Variants in HCRTR2 observed in about 807,000 individuals in gnomAD.
The protein encoded by HCRTR2 is hypocretin receptor 2.
Under a neutral mutation model 49.0 loss-of-function variants are expected in HCRTR2, and 22 were observed. The ratio of observed to expected loss-of-function variants is 0.45; its 90% CI spans 0.32 to 0.64. The LOEUF is 0.64. Among genes scored for constraint, HCRTR2 ranks in the 30% least tolerant of loss-of-function variants. HCRTR2 has a pLI of 0.04. For synonymous variants in HCRTR2, 236 were observed against 205.3 expected, an observed-to-expected ratio of 1.15 and a Z score of -1.28; for missense variants, 491 against 559.4, an observed-to-expected ratio of 0.88 and a Z score of 1.23.
At chr6:55,139,903 T>C (rs1764483911) in intron 1 of HCRTR2, among the ~76,000 whole-genome samples, 1 of 152,190 alleles carries the variant, frequency 6.6e-6, no homozygotes, top group Non-Finnish European at 1.5e-5. Flanking sequence ...TCCTTGAAAT[T>C]CAAGAGGCAT....
intron 1 of HCRTR2, among the ~76,000 whole-genome samples, chr6:55,244,288 G>T (rs1015998075): frequency 6.6e-6 from 1 of 151,844 alleles, no homozygotes; most frequent in Non-Finnish European, 1.5e-5. Flanking sequence ...ATCCATTAAA[G>T]GAATTAATGG....
intron 2 of HCRTR2, among the ~76,000 whole-genome samples, chr6:55,251,183 C>T (rs1224222289): frequency 1.3e-5 from 2 of 152,134 alleles, no homozygotes; most frequent in Non-Finnish European, 2.9e-5. Flanking sequence ...CATGTTACAT[C>T]ATGCCCAGCC....
At chr6:55,277,944 C>T (rs926221177) in intron 5 of HCRTR2, among the ~76,000 whole-genome samples, 1 of 152,086 alleles carries the variant, frequency 6.6e-6, no homozygotes, top group African/African-American at 2.4e-5. Context: ...TGAGAACAAA[C>T]GGGTTTTTCA....
intron 1 of HCRTR2, among the ~76,000 whole-genome samples, chr6:55,223,303 G>C (rs886246168): frequency 6.6e-6 from 1 of 152,196 alleles, no homozygotes; most frequent in Admixed American, 6.5e-5. Context: ...AAGCCATCTG[G>C]TTACTTTAGT....
At chr6:55,113,233 A>G (rs1764074394) in intron 1 of HCRTR2, among the ~76,000 whole-genome samples, 1 of 152,068 alleles carries the variant, frequency 6.6e-6, no homozygotes, top group Non-Finnish European at 1.5e-5. Flanking sequence ...AGACTTCATG[A>G]CCAAGAACCC....
At chr6:55,203,873 G>GT (rs796263516) in intron 1 of HCRTR2, among the ~76,000 whole-genome samples, 4,241 of 147,592 alleles carry the variant, frequency 0.029, 192 homozygotes, top group African/African-American at 0.099. Flanking sequence ...AGGACTTAAG[G>GT]TTTTTTTTTT....
At chr6:55,107,191 T>A (rs1763985530) in intron 1 of HCRTR2, among the ~76,000 whole-genome samples, 1 of 152,176 alleles carries the variant, frequency 6.6e-6, no homozygotes, top group Non-Finnish European at 1.5e-5. Flanking sequence ...TTATGATTTT[T>A]AAAAATTGAT....
intron 1 of HCRTR2, among the ~76,000 whole-genome samples, chr6:55,225,148 AT>A (rs1765977830): frequency 6.6e-6 from 1 of 152,214 alleles, no homozygotes; most frequent in Non-Finnish European, 1.5e-5. Flanking sequence ...AACTTAAAAA[AT>A]ATTAAAGATT....
intron 1 of HCRTR2, among the ~76,000 whole-genome samples, chr6:55,123,902 G>GT (rs1178334756): frequency 5.9e-5 from 9 of 152,210 alleles, no homozygotes; most frequent in East Asian, 1.9e-4. Flanking sequence ...AGGTTTTCTA[G>GT]TTTTTTGTCT....
intron 1 of HCRTR2, among the ~76,000 whole-genome samples, chr6:55,221,669 C>A (rs994088407): frequency 6.6e-6 from 1 of 151,904 alleles, no homozygotes; most frequent in Admixed American, 6.6e-5. Context: ...AAAAATTAGC[C>A]GGGCGTGGTG....
rs547802635 is a variant in HCRTR2 at position 55,276,639 on chromosome 6, C to T, written c.763-741C>T. On this transcript the variant is annotated intron_variant, in intron 4 of 6. Coordinates refer to ENST00000370862, the MANE Select transcript of HCRTR2 (RefSeq NM_001384272.1). ...ATATTGTACTTGGAGGGATTCCCTG[C>T]TATTATCAAATAACTTTGAAAAGAA... Among the ~76,000 whole-genome samples the T allele has an allele frequency of 5.3e-5, 8 of 152,222 alleles. No homozygotes were observed. The South Asian group carries it at 1.0e-3, about 20-fold the overall frequency.
chr6:55,199,666 C>G (rs1428444483), intron 1 of HCRTR2, among the ~76,000 whole-genome samples: 5 of 151,918 alleles, frequency 3.3e-5, no homozygotes, highest in African/African-American at 4.8e-5. Flanking sequence ...CTTATGCGTA[C>G]TTCAAAATAA....
intron 1 of HCRTR2, among the ~76,000 whole-genome samples, chr6:55,235,761 T>G (rs1766202630): frequency 6.6e-6 from 1 of 152,090 alleles, no homozygotes; most frequent in African/African-American, 2.4e-5. Context: ...CATGGCACTT[T>G]TGTCATATGT....
intron 1 of HCRTR2, among the ~76,000 whole-genome samples, chr6:55,142,363 ATTTTTTTTT>A (rs60317937): frequency 7.8e-6 from 1 of 127,678 alleles, no homozygotes; most frequent in Admixed American, 7.9e-5. Flanking sequence ...CGCCCTGTTA[ATTTTTTTTT>A]TTTTTTTTTG....
At chr6:55,136,809 C>A (rs983343869) in intron 1 of HCRTR2, among the ~76,000 whole-genome samples, 8 of 152,114 alleles carry the variant, frequency 5.3e-5, no homozygotes, top group African/African-American at 1.7e-4. Context: ...TTCTCACTTG[C>A]GCTTACATGG....
chr6:55,215,741 C>T (rs947116575), intron 1 of HCRTR2, among the ~76,000 whole-genome samples: 11 of 152,048 alleles, frequency 7.2e-5, no homozygotes, highest in African/African-American at 2.4e-4. Context: ...GTTTTTATCA[C>T]CTTAAAATAG....
chr6:55,119,990 G>T (rs1426177935), intron 1 of HCRTR2, among the ~76,000 whole-genome samples: 2 of 151,986 alleles, frequency 1.3e-5, no homozygotes, highest in African/African-American at 4.8e-5. Flanking sequence ...TCTGCATATG[G>T]CTAGCCAGTT....
chr6:55,121,077 T>C (rs1405290966), intron 1 of HCRTR2, among the ~76,000 whole-genome samples: 1 of 152,176 alleles, frequency 6.6e-6, no homozygotes, highest in Admixed American at 6.6e-5. Flanking sequence ...GTATGGCCAA[T>C]TTCATGATAT....
At chr6:55,165,098 C>G (rs1227886656) in intron 1 of HCRTR2, among the ~76,000 whole-genome samples, 1 of 151,974 alleles carries the variant, frequency 6.6e-6, no homozygotes, top group East Asian at 1.9e-4. Context: ...TGAAAACACT[C>G]TATTTGAAAA....
Sources: gnomAD v4.1 joint callset for allele counts (sites outside exome capture counted in the v4.1 genomes callset) on GRCh38, gnomAD v4.1.1 for gene constraint, MANE v1.5 for transcripts, NCBI Gene and HGNC (gene_info 2026-07-23, HGNC 2026-07-21) for gene names.